Variants in RIMS1 observed in about 807,000 individuals in gnomAD.
RIMS1 encodes the protein regulating synaptic membrane exocytosis protein 1.
Under a neutral mutation model 214.1 loss-of-function variants are expected in RIMS1, and 83 were observed. The ratio of observed to expected loss-of-function variants is 0.39; its 90% CI spans 0.32 to 0.47. The LOEUF (loss-of-function observed/expected upper bound fraction) is 0.47, where lower values mean the gene tolerates loss of function less well. RIMS1 is among the 20% of genes least tolerant of loss of function. RIMS1 has a pLI of 0.99. For missense variants in RIMS1, 2,050 were observed against 2,161.8 expected, an observed-to-expected ratio of 0.95 and a Z score of 1.03; for synonymous variants, 793 against 786.8, an observed-to-expected ratio of 1.01 and a Z score of -0.13.
chr6:72,252,769 C>T lies in RIMS1; in HGVS notation c.2707C>T (p.Arg903Ter). Reference protein sequence around the residue: ...SSSKKLQRSQRISDSDISDYE... With the variant: ...SSSKKLQRSQ ...GCCTTACTGTTGTGCAGGATCTCAGCGAATCAGTGATAGTGACATCTCAGA... is the reference window on the plus strand; with the variant it reads ...GCCTTACTGTTGTGCAGGATCTCAGTGAATCAGTGATAGTGACATCTCAGA... The change falls in exon 16 of 34, where the codon CGA (arginine) becomes TGA (stop). Residue 903 changes from arginine to a stop codon, truncating the protein, a stop_gained. Coordinates refer to ENST00000521978, the MANE Select transcript of RIMS1 (RefSeq NM_014989.7). LOFTEE classifies it high-confidence loss of function. 1 of 1,558,488 alleles carries T rather than the reference C, an allele frequency of 6.4e-7. No individual in the cohort carries two copies. The highest frequency in any genetic ancestry group is 1.2e-5 in the South Asian group (1 of 84,474).
chr6:72,353,056 T>G (rs2097517457), intron 29 of RIMS1, among the ~76,000 whole-genome samples: 1 of 142,782 alleles, frequency 7.0e-6, no homozygotes, highest in South Asian at 2.3e-4. Flanking sequence ...AATGGCGAGA[T>G]CTCGGCTCAC....
At chr6:72,220,538 A>G (rs906247979) in intron 6 of RIMS1, among the ~76,000 whole-genome samples, 1 of 152,066 alleles carries the variant, frequency 6.6e-6, no homozygotes, top group African/African-American at 2.4e-5. Flanking sequence ...CTTCTCATCT[A>G]TGGTTAGTGG....
chr6:72,212,828 C>T (rs532450472), intron 6 of RIMS1: 245 of 1,069,364 alleles, frequency 2.3e-4, no homozygotes, highest in South Asian at 1.3e-3. Flanking sequence ...GCTACCAGTC[C>T]CCACACCACC....
At chr6:71,933,413 C>T (rs774172553) in intron 1 of RIMS1, among the ~76,000 whole-genome samples, 5 of 151,998 alleles carry the variant, frequency 3.3e-5, no homozygotes, top group Non-Finnish European at 7.4e-5. Context: ...GCCTGGCACA[C>T]AGTAGATGCT....
chr6:72,310,897 T>TA (rs979647016), intron 27 of RIMS1, among the ~76,000 whole-genome samples: 3 of 152,098 alleles, frequency 2.0e-5, no homozygotes, highest in African/African-American at 7.2e-5. Flanking sequence ...TATCTCAATA[T>TA]AAAAAATGTA....
At chr6:72,119,553 T>C (rs900130920) in intron 4 of RIMS1, among the ~76,000 whole-genome samples, 17 of 151,914 alleles carry the variant, frequency 1.1e-4, no homozygotes, top group Admixed American at 2.0e-4. Flanking sequence ...CTTCAAATTA[T>C]ACTACAAGGC....
chr6:72,073,817 G>T lies in RIMS1; in HGVS notation c.246-23132G>T, dbSNP rs555088400. 3.3e-5 allele frequency among the ~76,000 whole-genome samples: 5 copies of T among 152,268 alleles called. No individual in the cohort carries two copies. The East Asian group carries it at 9.6e-4, about 29-fold the overall frequency. On this transcript the variant is annotated intron_variant, in intron 2 of 33. Coordinates refer to ENST00000521978, the MANE Select transcript of RIMS1 (RefSeq NM_014989.7). ...CCCTCATTGGTTAACTCTGTGGTGT[G>T]AGGCTATGAATATCACTATAGCTAG...
intron 1 of RIMS1, among the ~76,000 whole-genome samples, chr6:71,940,952 T>A (rs1045193506): frequency 1.3e-5 from 2 of 152,180 alleles, no homozygotes; most frequent in Admixed American, 1.3e-4. Context: ...GGTTTTTTTT[T>A]AAGTAAATGC....
intron 5 of RIMS1, among the ~76,000 whole-genome samples, chr6:72,180,428 C>T (rs981620826): frequency 1.4e-4 from 22 of 152,152 alleles, no homozygotes; most frequent in Admixed American, 1.2e-3. Flanking sequence ...ACAAGCCCAA[C>T]GTGAGGGCCT....
At chr6:72,211,769 A>T (rs550794090) in intron 6 of RIMS1, among the ~76,000 whole-genome samples, 1 of 152,310 alleles carries the variant, frequency 6.6e-6, no homozygotes, top group Non-Finnish European at 1.5e-5. Context: ...TTTCAACATT[A>T]AAAATATTGG....
In RIMS1 at chr6:72,202,842, T is replaced by C. The variant is rs2052252185; in HGVS notation, c.1678+19693T>C. Among the ~76,000 whole-genome samples the C allele has an allele frequency of 2.0e-5, 3 of 152,170 alleles. No individual in the cohort carries two copies. The South Asian group carries it at 6.2e-4, about 32-fold the overall frequency. On this transcript the variant is annotated intron_variant, in intron 6 of 33. Transcript: ENST00000521978. ...CAGGACATGTTACTTAACCCCTAAGTCTCAAGTTCAATCGTTTTAGAACCT... is the reference window on the plus strand; with the variant it reads ...CAGGACATGTTACTTAACCCCTAAGCCTCAAGTTCAATCGTTTTAGAACCT...
At position 72,307,372 on chromosome 6, in the gene RIMS1, TA is replaced by T; in HGVS notation, c.3963+6del. 1.3e-6 allele frequency: 2 copies of T among 1,555,450 alleles called. No homozygotes were observed. Among genetic ancestry groups the T allele is most frequent in the Non-Finnish European group, 1.8e-6 (2 of 1,137,030 alleles). On this transcript the variant is annotated splice_donor_region_variant and intron_variant, in intron 27 of 33. Coordinates refer to ENST00000521978, the MANE Select transcript of RIMS1 (RefSeq NM_014989.7). ...CTTGATCGCGAGCAATATTCCAAGG[TA>T]AAATTAGTAGTATCCAACAAATAGT...
At chr6:72,202,419 G>T (rs1210390594) in intron 6 of RIMS1, among the ~76,000 whole-genome samples, 2 of 152,096 alleles carry the variant, frequency 1.3e-5, no homozygotes, top group African/African-American at 2.4e-5. Flanking sequence ...TTCTCTCTCT[G>T]CATGTTGTGT....
Position 71,941,060 on chromosome 6 carries a change from A to G in RIMS1, c.165-27923A>G, listed in dbSNP as rs1785952033. Among the ~76,000 whole-genome samples the G allele has an allele frequency of 2.0e-5, 3 of 152,166 alleles. No homozygotes were observed. The South Asian group carries it at 6.2e-4, about 32-fold the overall frequency. On this transcript the variant is annotated intron_variant, in intron 1 of 33. Transcript: ENST00000521978. ...CCTTAAGGCTGGCTTGTTCAGGTCT[A>G]TGATTTTGACAAATATAATTCCTTT...
chr6:72,071,353 T>C (rs1830540570), intron 2 of RIMS1, among the ~76,000 whole-genome samples: 1 of 152,084 alleles, frequency 6.6e-6, no homozygotes, highest in Admixed American at 6.5e-5. Flanking sequence ...TGAGCCCTGA[T>C]TACAGGCACC....
Position 72,097,035 on chromosome 6 carries a change from A to T in RIMS1, c.332A>T (p.Asp111Val). 6.2e-7 allele frequency: 1 copy of T among 1,613,990 alleles called. No homozygotes were observed. Among genetic ancestry groups the T allele is most frequent in the Non-Finnish European group, 8.5e-7 (1 of 1,179,874 alleles). Residue 111 changes from aspartate (D) to valine (V), a missense_variant, in exon 3 of 34, where the codon GAC becomes GTC. Asp to Val is a radical substitution (Grantham distance 152). Transcript: ENST00000521978. The stretch of plus-strand genomic sequence containing the variant: ...CGGCGTTACCAGGGCGAGCACAAAG[A>T]CGATGCTCCGACTTGTGGAATCTGT... The part of the protein sequence containing the change: ...EARRYQGEHK[D>V]DAPTCGICHK...
intron 1 of RIMS1, among the ~76,000 whole-genome samples, chr6:71,942,085 C>T (rs1032318078): frequency 8.5e-5 from 13 of 152,144 alleles, no homozygotes; most frequent in Admixed American, 1.3e-4. Flanking sequence ...TGACAGTATG[C>T]ACCACCATGG....
intron 26 of RIMS1, among the ~76,000 whole-genome samples, chr6:72,297,069 T>C (rs1457445430): frequency 1.3e-5 from 2 of 152,004 alleles, no homozygotes. Flanking sequence ...TTTATAAAAA[T>C]GTATTTAACA....
At chr6:72,016,963 A>G (rs1812962705) in intron 2 of RIMS1, among the ~76,000 whole-genome samples, 1 of 152,202 alleles carries the variant, frequency 6.6e-6, no homozygotes, top group Non-Finnish European at 1.5e-5. Context: ...CTGGTGAGGA[A>G]ATGGTAATGT....
Sources: allele counts gnomAD v4.1 joint callset (sites outside exome capture counted in the v4.1 genomes callset), GRCh38; gene constraint gnomAD v4.1.1; transcripts MANE v1.5; gene names NCBI Gene and HGNC (gene_info 2026-07-23, HGNC 2026-07-21).